TENM4: variants seen among roughly 807,000 people sequenced by gnomAD.
The protein encoded by TENM4 is teneurin transmembrane protein 4.
TENM4 carries 82 observed loss-of-function variants against 243.3 expected under a neutral mutation model. The ratio of observed to expected loss-of-function variants is 0.34; its 90% CI spans 0.28 to 0.40. The LOEUF (loss-of-function observed/expected upper bound fraction) is 0.40. Ranked by LOEUF, TENM4 falls within the 10% of genes least tolerant of loss-of-function variation. The probability of loss-of-function intolerance (pLI) is 1.00; values close to 1 mark genes in which losing one functional copy is unlikely to be tolerated. For synonymous variants in TENM4, 1,412 were observed against 1,456.3 expected, an observed-to-expected ratio of 0.97 and a Z score of 0.69; for missense variants, 3,138 against 3,673.3, an observed-to-expected ratio of 0.85 and a Z score of 3.77.
intron 19 of TENM4, among the ~76,000 whole-genome samples, chr11:78,745,238 T>C (rs531005173): frequency 6.7e-6 from 1 of 150,144 alleles, no homozygotes; most frequent in East Asian, 2.0e-4. Flanking sequence ...TTTTTTTTTT[T>C]TTTTTTGAGA....
intron 4 of TENM4, among the ~76,000 whole-genome samples, chr11:79,071,051 CTT>C (rs1860403098): frequency 6.6e-6 from 1 of 152,154 alleles, no homozygotes; most frequent in African/African-American, 2.4e-5. Context: ...CCTTTCTCCT[CTT>C]TTCCCCATCT....
At position 78,812,285 on chromosome 11, in the gene TENM4, G is replaced by A. The variant is rs1401092269; in HGVS notation, c.1815C>T (p.Gly605=). Residue 605 remains glycine, a synonymous_variant, in exon 14 of 34, where the codon GGC becomes GGT. Transcript: ENST00000278550. ...ASCPVLCSGN[G]QYMKGRCLCH... The stretch of plus-strand genomic sequence containing the variant: ...ACAAGCATCTGCCTTTCATGTATTG[G>A]CCATTTCCGCTACAGAGCACGGGGC... The A allele has an allele frequency of 3.2e-6, 5 of 1,551,730 alleles. No homozygotes were observed. Among genetic ancestry groups the A allele is most frequent in the East Asian group, 4.9e-5 (2 of 40,926 alleles).
chr11:78,732,262 C>T, intron 21 of TENM4, 54 bp downstream of exon 21: 2 of 1,540,434 alleles, frequency 1.3e-6, no homozygotes, highest in Non-Finnish European at 1.8e-6. Context: ...GATCCTCCTC[C>T]ACCCCCAAAA....
chr11:78,869,275 A>G (rs1331511798), intron 9 of TENM4, among the ~76,000 whole-genome samples: 1 of 152,226 alleles, frequency 6.6e-6, no homozygotes, highest in East Asian at 1.9e-4. Context: ...TGCTTAAAAC[A>G]CAATGTCAGG....
intron 4 of TENM4, among the ~76,000 whole-genome samples, chr11:79,078,004 G>T (rs1285728394): frequency 6.6e-6 from 1 of 152,146 alleles, no homozygotes; most frequent in Non-Finnish European, 1.5e-5. Context: ...AGAAATTCAA[G>T]AAACAAACCT....
intron 3 of TENM4, among the ~76,000 whole-genome samples, chr11:79,158,227 T>C (rs1234368756): frequency 2.0e-5 from 3 of 152,204 alleles, no homozygotes; most frequent in Non-Finnish European, 4.4e-5. Context: ...AAATAAAAAA[T>C]ACTCATAGAC....
intron 6 of TENM4, among the ~76,000 whole-genome samples, chr11:79,059,510 G>T (rs200408819): frequency 6.6e-6 from 1 of 152,168 alleles, no homozygotes; most frequent in East Asian, 1.9e-4. Flanking sequence ...CAGACCTGAC[G>T]CTTCACAAAT....
chr11:79,325,987 C>T (rs185092069), intron 1 of TENM4, among the ~76,000 whole-genome samples: 49 of 152,328 alleles, frequency 3.2e-4, no homozygotes, highest in African/African-American at 1.1e-3. Flanking sequence ...TGAGCCTGCT[C>T]GCATCTCTGC....
chr11:79,281,403 A>C (rs1004040989), intron 2 of TENM4, among the ~76,000 whole-genome samples: 1 of 152,186 alleles, frequency 6.6e-6, no homozygotes, highest in African/African-American at 2.4e-5. Context: ...AGATGGGTCC[A>C]TCTTTAGTCC....
At chr11:79,274,703 T>TG (rs964103510) in intron 2 of TENM4, among the ~76,000 whole-genome samples, 13 of 151,902 alleles carry the variant, frequency 8.6e-5, no homozygotes, top group African/African-American at 2.2e-4. Flanking sequence ...TGTTATAAAT[T>TG]GGGGGGGAAA....
intron 1 of TENM4, among the ~76,000 whole-genome samples, chr11:79,405,343 A>G (rs546913270): frequency 2.0e-5 from 3 of 152,302 alleles, no homozygotes; most frequent in Admixed American, 6.5e-5. Context: ...AGGATCACAA[A>G]GTTAAGGACT....
intron 16 of TENM4, among the ~76,000 whole-genome samples, chr11:78,779,113 A>T (rs540311234): frequency 6.6e-6 from 1 of 152,324 alleles, no homozygotes; most frequent in Non-Finnish European, 1.5e-5. Flanking sequence ...ATTTAGAAAT[A>T]CGCAAAATTT....
chr11:78,871,277 G>T (rs998728558), intron 9 of TENM4, among the ~76,000 whole-genome samples: 1 of 152,208 alleles, frequency 6.6e-6, no homozygotes, highest in African/African-American at 2.4e-5. Flanking sequence ...GAGATTAAAA[G>T]AAGTGACGTG....
chr11:78,817,145 G>A (rs1348693286), intron 12 of TENM4, among the ~76,000 whole-genome samples: 1 of 152,164 alleles, frequency 6.6e-6, no homozygotes, highest in African/African-American at 2.4e-5. Context: ...CAGCTGGAAT[G>A]GGGCAAAATT....
chr11:78,846,930 TC>T, intron 12 of TENM4, among the ~76,000 whole-genome samples: 1 of 152,318 alleles, frequency 6.6e-6, no homozygotes, highest in South Asian at 2.1e-4. Flanking sequence ...GCTAAAAATA[TC>T]CCCTTCTTCA....
intron 6 of TENM4, among the ~76,000 whole-genome samples, chr11:79,040,732 T>G (rs1467341586): frequency 6.6e-6 from 1 of 152,200 alleles, no homozygotes; most frequent in East Asian, 1.9e-4. Flanking sequence ...TGTTCAGGCC[T>G]CTTTACTCCC....
At chr11:79,290,705 A>AG (rs1354646405) in intron 2 of TENM4, among the ~76,000 whole-genome samples, 1 of 152,046 alleles carries the variant, frequency 6.6e-6, no homozygotes, top group Non-Finnish European at 1.5e-5. Context: ...ACCACAACAA[A>AG]TGACTGTCTT....
chr11:79,330,792 A>C (rs572674102), intron 1 of TENM4, among the ~76,000 whole-genome samples: 1 of 152,238 alleles, frequency 6.6e-6, no homozygotes, highest in Non-Finnish European at 1.5e-5. Flanking sequence ...GCTAATGTGC[A>C]GCAGAGCTGG....
chr11:79,343,871 C>T (rs1050351073), intron 1 of TENM4, among the ~76,000 whole-genome samples: 1 of 152,222 alleles, frequency 6.6e-6, no homozygotes, highest in Non-Finnish European at 1.5e-5. Context: ...CCTGGGTCTG[C>T]AGGAGCCTGG....
Sources: gnomAD v4.1 joint callset for allele counts (sites outside exome capture counted in the v4.1 genomes callset) on GRCh38, gnomAD v4.1.1 for gene constraint, MANE v1.5 for transcripts, NCBI Gene and HGNC (gene_info 2026-07-23, HGNC 2026-07-21) for gene names.